The following CDKAL1 variants were observed in gnomAD, a reference collection of about 807,000 sequenced individuals.
The protein encoded by CDKAL1 is CDKAL1 threonylcarbamoyladenosine tRNA methylthiotransferase.
In CDKAL1, 32 loss-of-function variants were observed where a neutral mutation model predicts 68.2. That is an observed-to-expected ratio of 0.47 (90% CI 0.35 to 0.63). The LOEUF is 0.63. Ranked by LOEUF, CDKAL1 falls within the 30% of genes least tolerant of loss-of-function variation. The pLI, the probability that CDKAL1 is intolerant of heterozygous loss-of-function variation, is 0.00. For missense variants in CDKAL1, 606 were observed against 696.7 expected (o/e 0.87, Z 1.47); for synonymous variants, 234 against 244.3 (o/e 0.96, Z 0.39).
chr6:20,673,185 T>C lies in CDKAL1; in HGVS notation c.371+23808T>C, dbSNP rs1044549309. On this transcript the variant is annotated intron_variant, in intron 5 of 15. Coordinates refer to ENST00000274695, the MANE Select transcript of CDKAL1 (RefSeq NM_017774.3). Reference sequence around the variant, plus strand: ...CTTCACATTTATTCAGCTCTACTTCTGTGTCTTTTAGCAGTGTCTTCATGT... The same window carrying C: ...CTTCACATTTATTCAGCTCTACTTCCGTGTCTTTTAGCAGTGTCTTCATGT... 1.8e-4 allele frequency among the ~76,000 whole-genome samples: 28 copies of C among 152,346 alleles called. 1 individual carries two copies. The highest frequency in any genetic ancestry group is 5.9e-4 in the Admixed American group (9 of 15,308).
chr6:21,110,547 G>C (rs1168651201), intron 13 of CDKAL1, among the ~76,000 whole-genome samples: 2 of 152,212 alleles, frequency 1.3e-5, no homozygotes. Flanking sequence ...ACAAGGTGTG[G>C]TTAAAGTTGG....
chr6:20,802,309 CAACAACAATAAT>C (rs70990070), intron 8 of CDKAL1, among the ~76,000 whole-genome samples: 57,614 of 142,300 alleles, frequency 0.4, 11,843 homozygotes, highest in Non-Finnish European at 0.45. Flanking sequence ...AAAACAACAA[CAACAACAATAAT>C]AATAATAATA....
intron 13 of CDKAL1, among the ~76,000 whole-genome samples, chr6:21,150,448 T>C (rs958579937): frequency 2.0e-5 from 3 of 152,178 alleles, no homozygotes; most frequent in Non-Finnish European, 4.4e-5. Flanking sequence ...AGTGTAGTTA[T>C]GAAGTTTGTT....
At chr6:20,538,083 A>G (rs1195088123) in intron 2 of CDKAL1, among the ~76,000 whole-genome samples, 1 of 152,174 alleles carries the variant, frequency 6.6e-6, no homozygotes, top group Non-Finnish European at 1.5e-5. Flanking sequence ...GTTTGGTATA[A>G]TTGTCAGGTT....
intron 4 of CDKAL1, among the ~76,000 whole-genome samples, chr6:20,561,263 G>A (rs752798748): frequency 6.6e-6 from 1 of 151,688 alleles, no homozygotes; most frequent in Non-Finnish European, 1.5e-5. Context: ...CCAACATGGC[G>A]AAACCCCATC....
intron 4 of CDKAL1, among the ~76,000 whole-genome samples, chr6:20,629,003 C>T (rs768173610): frequency 3.3e-5 from 5 of 152,176 alleles, no homozygotes; most frequent in Non-Finnish European, 7.4e-5. Flanking sequence ...AGGGAAATAA[C>T]ACTTAGGCAT....
Position 21,000,315 on chromosome 6 carries a change from T to C in CDKAL1, c.998T>C (p.Met333Thr). Residue 333 changes from methionine to threonine, a missense_variant, in exon 11 of 16, where the codon ATG becomes ACG. Physicochemically the swap from Met to Thr is moderately conservative, Grantham distance 81. Coordinates refer to ENST00000274695, the MANE Select transcript of CDKAL1 (RefSeq NM_017774.3). ...QSASDSVLME[M>T]KREYCVADFK... ...GCCTCCGACAGCGTACTCATGGAAA[T>C]GAAAAGAGAATACTGTGTGGCTGAC... 1 of 1,613,910 alleles carries C rather than the reference T, an allele frequency of 6.2e-7. No homozygotes were observed. The highest frequency in any genetic ancestry group is 8.5e-7 in the Non-Finnish European group (1 of 1,179,808).
chr6:20,746,841 CTTT>C (rs1349714573), intron 6 of CDKAL1, among the ~76,000 whole-genome samples: 1 of 152,014 alleles, frequency 6.6e-6, no homozygotes, highest in Non-Finnish European at 1.5e-5. Context: ...TCTGTAGTTA[CTTT>C]TTATGTTTGT....
chr6:20,982,125 G>A (rs2150776029), intron 10 of CDKAL1, among the ~76,000 whole-genome samples: 1 of 151,790 alleles, frequency 6.6e-6, no homozygotes, highest in African/African-American at 2.4e-5. Context: ...GGAGTACAGT[G>A]GTGCAATCTT....
intron 11 of CDKAL1, among the ~76,000 whole-genome samples, chr6:21,012,986 C>A (rs116833874): frequency 6.6e-6 from 1 of 152,148 alleles, no homozygotes; most frequent in Non-Finnish European, 1.5e-5. Context: ...CTTAACTGGA[C>A]GTAGTTTTGA....
At chr6:20,599,438 C>G in intron 4 of CDKAL1, 1 of 435,758 alleles carries the variant, frequency 2.3e-6, no homozygotes, top group East Asian at 7.1e-5. Context: ...CCTACTCTTT[C>G]TGGAACTGTT....
At chr6:20,948,514 T>C (rs1268218706) in intron 9 of CDKAL1, among the ~76,000 whole-genome samples, 1 of 152,246 alleles carries the variant, frequency 6.6e-6, no homozygotes, top group Admixed American at 6.5e-5. Context: ...GATAAGTTTT[T>C]ATCACCATTA....
intron 8 of CDKAL1, among the ~76,000 whole-genome samples, chr6:20,845,731 A>T (rs540273104): frequency 2.1e-4 from 32 of 152,300 alleles, no homozygotes; most frequent in African/African-American, 7.5e-4. Flanking sequence ...GGCCAAAGTA[A>T]TGTCAGTAGT....
At chr6:20,751,219 C>T (rs767246427) in intron 6 of CDKAL1, among the ~76,000 whole-genome samples, 46 of 152,040 alleles carry the variant, frequency 3.0e-4, no homozygotes, top group Non-Finnish European at 5.7e-4. Context: ...GCTTGTTCTC[C>T]GACGGCTTCA....
intron 4 of CDKAL1, among the ~76,000 whole-genome samples, chr6:20,566,142 G>A (rs868829442): frequency 6.6e-6 from 1 of 152,060 alleles, no homozygotes; most frequent in Non-Finnish European, 1.5e-5. Context: ...ATTAGACTAC[G>A]AGTATTTTCC....
intron 4 of CDKAL1, among the ~76,000 whole-genome samples, chr6:20,595,559 G>A (rs1765783822): frequency 6.6e-6 from 1 of 151,942 alleles, no homozygotes; most frequent in Non-Finnish European, 1.5e-5. Flanking sequence ...GGTTATTCTA[G>A]TTAGCAATTC....
At chr6:20,801,788 A>T (rs1271966726) in intron 8 of CDKAL1, among the ~76,000 whole-genome samples, 1 of 152,202 alleles carries the variant, frequency 6.6e-6, no homozygotes, top group Non-Finnish European at 1.5e-5. Flanking sequence ...GTTGGTAAAT[A>T]GTCTGCATTT....
chr6:20,972,020 A>T (rs776571936), intron 10 of CDKAL1, among the ~76,000 whole-genome samples: 7 of 152,162 alleles, frequency 4.6e-5, no homozygotes, highest in Non-Finnish European at 1.0e-4. Flanking sequence ...CTATAATCCT[A>T]AGTCAGAGAG....
intron 8 of CDKAL1, among the ~76,000 whole-genome samples, chr6:20,796,025 T>C (rs1776096348): frequency 6.6e-6 from 1 of 152,148 alleles, no homozygotes; most frequent in Non-Finnish European, 1.5e-5. Context: ...AAGGAGTCAA[T>C]GTTAGATATA....
Sources: allele counts gnomAD v4.1 joint callset (sites outside exome capture counted in the v4.1 genomes callset), GRCh38; gene constraint gnomAD v4.1.1; transcripts MANE v1.5; gene names NCBI Gene and HGNC (gene_info 2026-07-23, HGNC 2026-07-21).